Variants in PDGFC observed in about 807,000 individuals in gnomAD.
PDGFC encodes platelet derived growth factor C.
A neutral mutation model predicts 35.5 loss-of-function variants in PDGFC; 12 were observed. The observed-to-expected ratio is 0.34, with a 90% CI of 0.22 to 0.55. The LOEUF (loss-of-function observed/expected upper bound fraction) is 0.55. Among genes scored for constraint, PDGFC ranks in the 20% least tolerant of loss-of-function variants. The probability of loss-of-function intolerance (pLI) is 0.91; values close to 1 mark genes in which losing one functional copy is unlikely to be tolerated. For synonymous variants in PDGFC, 159 were observed against 148.8 expected (o/e 1.07, Z -0.50); for missense variants, 322 against 412.4 (o/e 0.78, Z 1.90).
Position 156,866,369 on chromosome 4 carries a change from T to C in PDGFC, c.119-15953A>G, listed in dbSNP as rs139383214. 3.7e-3 allele frequency among the ~76,000 whole-genome samples: 557 copies of C among 152,328 alleles called. 3 individuals carry two copies. The highest frequency in any genetic ancestry group is 0.013 in the African/African-American group (530 of 41,564). On this transcript the variant is annotated intron_variant, in intron 1 of 5. Transcript: ENST00000502773. ...TTTTTAACAGCAAAAAAAGCTCATT[T>C]GGTCAGACTGAAAAGTAGTAACAAA...
chr4:156,897,904 A>G (rs1221485206), intron 1 of PDGFC, among the ~76,000 whole-genome samples: 1 of 152,246 alleles, frequency 6.6e-6, no homozygotes, highest in Non-Finnish European at 1.5e-5. Flanking sequence ...TCACACCATA[A>G]AGCTGTCCGT....
intron 3 of PDGFC, among the ~76,000 whole-genome samples, chr4:156,810,542 A>G (rs923480947): frequency 9.2e-5 from 14 of 151,934 alleles, no homozygotes; most frequent in Admixed American, 5.3e-4. Context: ...AATTTCCTTT[A>G]TTTAATCAGT....
intron 1 of PDGFC, among the ~76,000 whole-genome samples, chr4:156,868,795 C>A (rs1390571234): frequency 6.6e-6 from 1 of 152,060 alleles, no homozygotes; most frequent in African/African-American, 2.4e-5. Flanking sequence ...CCTTTTATAC[C>A]TGCAGTTGGT....
chr4:156,956,701 A>G (rs1732221331), intron 1 of PDGFC, among the ~76,000 whole-genome samples: 2 of 152,170 alleles, frequency 1.3e-5, no homozygotes, highest in Non-Finnish European at 1.5e-5. Flanking sequence ...TAAAAATAGC[A>G]ATGTTAATAT....
intron 1 of PDGFC, among the ~76,000 whole-genome samples, chr4:156,921,754 A>C (rs1327550133): frequency 1.3e-5 from 2 of 152,154 alleles, no homozygotes; most frequent in Non-Finnish European, 2.9e-5. Flanking sequence ...TAAACGAAGA[A>C]AAGTGATGTC....
chr4:156,782,335 A>G (rs1210453759), intron 3 of PDGFC, among the ~76,000 whole-genome samples: 2 of 152,286 alleles, frequency 1.3e-5, no homozygotes, highest in South Asian at 2.1e-4. Flanking sequence ...CCAACAAAAA[A>G]TCCTATGCAA....
chr4:156,907,346 T>C (rs918726925), intron 1 of PDGFC, among the ~76,000 whole-genome samples: 2 of 152,092 alleles, frequency 1.3e-5, no homozygotes, highest in Admixed American at 1.3e-4. Flanking sequence ...ATGAGTGAGA[T>C]TACATAATAT....
chr4:156,855,054 A>G (rs900867374), intron 1 of PDGFC, among the ~76,000 whole-genome samples: 10 of 152,108 alleles, frequency 6.6e-5, no homozygotes, highest in South Asian at 2.1e-4. Flanking sequence ...AAGAAGAGAG[A>G]CTAATAATGT....
At chr4:156,822,312 TTG>T (rs1346246845) in intron 2 of PDGFC, among the ~76,000 whole-genome samples, 3 of 145,826 alleles carry the variant, frequency 2.1e-5, no homozygotes, top group Non-Finnish European at 4.5e-5. Context: ...TGAGCCGAGA[TTG>T]CGCCACTGCA....
chr4:156,959,203 C>G (rs1379679243), intron 1 of PDGFC, among the ~76,000 whole-genome samples: 1 of 152,006 alleles, frequency 6.6e-6, no homozygotes, highest in African/African-American at 2.4e-5. Context: ...TTTAGGTATG[C>G]TTTCCAAGTG....
At chr4:156,957,098 G>A (rs886888703) in intron 1 of PDGFC, among the ~76,000 whole-genome samples, 7 of 152,002 alleles carry the variant, frequency 4.6e-5, no homozygotes, top group African/African-American at 1.4e-4. Context: ...AGTTCTTATT[G>A]TGATTATTTG....
At chr4:156,819,291 T>C (rs895366662) in intron 2 of PDGFC, among the ~76,000 whole-genome samples, 4 of 151,754 alleles carry the variant, frequency 2.6e-5, no homozygotes, top group Admixed American at 2.6e-4. Flanking sequence ...CAGTCTTCTA[T>C]TGGAAGAAGA....
At chr4:156,855,953 T>A (rs1280708066) in intron 1 of PDGFC, among the ~76,000 whole-genome samples, 1 of 152,182 alleles carries the variant, frequency 6.6e-6, no homozygotes, top group South Asian at 2.1e-4. Flanking sequence ...GAAGGTATAC[T>A]TGAGGTCCAC....
At chr4:156,890,392 T>A (rs17231034) in intron 1 of PDGFC, among the ~76,000 whole-genome samples, 4,054 of 152,290 alleles carry the variant, frequency 0.027, 79 homozygotes, top group Non-Finnish European at 0.043. Context: ...AATTACTGTG[T>A]ACCTCCTCAT....
intron 1 of PDGFC, among the ~76,000 whole-genome samples, chr4:156,889,542 T>C (rs1323330798): frequency 6.6e-6 from 1 of 152,202 alleles, no homozygotes; most frequent in African/African-American, 2.4e-5. Flanking sequence ...ACTGCGTTTC[T>C]TAACATTCTT....
chr4:156,814,566 C>A (rs903365927), intron 2 of PDGFC, among the ~76,000 whole-genome samples: 1 of 152,004 alleles, frequency 6.6e-6, no homozygotes, highest in East Asian at 1.9e-4. Context: ...TTTCTTGAGA[C>A]CATTTTTCAA....
intron 4 of PDGFC, among the ~76,000 whole-genome samples, chr4:156,769,013 T>A (rs565048077): frequency 6.6e-6 from 1 of 151,874 alleles, no homozygotes; most frequent in Non-Finnish European, 1.5e-5. Flanking sequence ...CTCTGCCTAT[T>A]TTTTTCCCCT....
chr4:156,905,062 G>A (rs1433763891), intron 1 of PDGFC, among the ~76,000 whole-genome samples: 1 of 151,968 alleles, frequency 6.6e-6, no homozygotes, highest in Non-Finnish European at 1.5e-5. Context: ...GGACACTATG[G>A]GATTGGTAAA....
chr4:156,815,354 AC>A (rs1732056969), intron 2 of PDGFC, among the ~76,000 whole-genome samples: 2 of 150,616 alleles, frequency 1.3e-5, no homozygotes, highest in African/African-American at 5.0e-5. Context: ...ACACACACAC[AC>A]ACACACACAC....
Sources: gnomAD v4.1 joint callset for allele counts (sites outside exome capture counted in the v4.1 genomes callset) on GRCh38, gnomAD v4.1.1 for gene constraint, MANE v1.5 for transcripts, NCBI Gene and HGNC (gene_info 2026-07-23, HGNC 2026-07-21) for gene names.